Variants in MAST2 observed in about 807,000 individuals in gnomAD.
MAST2 encodes microtubule-associated serine/threonine-protein kinase 2.
A neutral mutation model predicts 147.4 loss-of-function variants in MAST2; 70 were observed. The ratio of observed to expected loss-of-function variants is 0.47; its 90% CI spans 0.39 to 0.58. The LOEUF (loss-of-function observed/expected upper bound fraction) is 0.58, where lower values mean the gene tolerates loss of function less well. Among genes scored for constraint, MAST2 ranks in the 20% least tolerant of loss-of-function variants. The pLI, the probability that MAST2 is intolerant of heterozygous loss-of-function variation, is 0.00. For synonymous variants in MAST2, 869 were observed against 896.8 expected (o/e 0.97, Z 0.55); for missense variants, 2,080 against 2,302.3 (o/e 0.90, Z 1.98).
At chr1:46,002,694 A>ACTCAC in intron 6 of MAST2, 111 bp from the exon 7 acceptor site, 7 of 840,744 alleles carry the variant, frequency 8.3e-6, no homozygotes, top group Non-Finnish European at 1.4e-5. Flanking sequence ...TGTCTTAAGG[A>ACTCAC]GGAGCCCTAC....
intron 4 of MAST2, among the ~76,000 whole-genome samples, chr1:45,948,804 A>G (rs1336275835): frequency 1.3e-5 from 2 of 151,948 alleles, no homozygotes; most frequent in Non-Finnish European, 2.9e-5. Context: ...GCTGACTTCA[A>G]ACTATACTAC....
intron 3 of MAST2, among the ~76,000 whole-genome samples, chr1:45,873,127 C>T (rs1303208012): frequency 6.6e-6 from 1 of 151,176 alleles, no homozygotes; most frequent in African/African-American, 2.4e-5. Context: ...AGCATCTTAT[C>T]ACTTAGCTTT....
rs1046976241 is a variant in MAST2, at chr1:45,870,223, T to G, written c.469-12141T>G. Among the ~76,000 whole-genome samples, 3 of 152,050 alleles carry G rather than the reference T, an allele frequency of 2.0e-5. No homozygotes were observed. In the South Asian group the frequency reaches 6.2e-4, roughly 31 times the overall value. On this transcript the variant is annotated intron_variant, in intron 3 of 28. Coordinates refer to ENST00000361297, the MANE Select transcript of MAST2 (RefSeq NM_015112.3). ...ACAGGCATGAGCTACTGCGCCCAGC[T>G]TTTGATTCTTTGTATACCTGTTTGA...
intron 3 of MAST2, among the ~76,000 whole-genome samples, chr1:45,881,084 T>C (rs1273496168): frequency 6.6e-6 from 1 of 152,196 alleles, no homozygotes; most frequent in East Asian, 1.9e-4. Flanking sequence ...ACAGTTGTTT[T>C]GGAGAGCAAT....
At chr1:46,017,019 T>C (rs9429175) in intron 10 of MAST2, among the ~76,000 whole-genome samples, 98,993 of 150,336 alleles carry the variant, frequency 0.66, 32,944 homozygotes, top group Non-Finnish European at 0.71. Flanking sequence ...GAAATAACGC[T>C]GCATATCTAC....
rs867407079 is a variant in MAST2 at position 46,022,051 on chromosome 1, C to G, written c.1392C>G (p.Ser464Arg). 15 of 1,614,194 alleles carry G rather than the reference C, an allele frequency of 9.3e-6. 1 individual carries two copies. The Middle Eastern group carries it at 2.5e-3, about 266-fold the overall frequency. The change falls in exon 12 of 29, where the codon AGC (serine) becomes AGG (arginine). Residue 464 changes from serine to arginine, a missense_variant. Coordinates refer to ENST00000361297, the MANE Select transcript of MAST2 (RefSeq NM_015112.3). ...IKCDIPRYIV[S>R]QLGLTRDPLE... ...GTGACATTCCCCGCTACATCGTTAGCCAGCTGGGCCTCACCCGGGATCCCC... is the reference window on the plus strand; with the variant it reads ...GTGACATTCCCCGCTACATCGTTAGGCAGCTGGGCCTCACCCGGGATCCCC...
intron 4 of MAST2, among the ~76,000 whole-genome samples, chr1:45,885,316 T>C (rs75839967): frequency 1.3e-5 from 2 of 152,234 alleles, no homozygotes; most frequent in East Asian, 3.8e-4. Flanking sequence ...ATATCCTTCA[T>C]GGACATAGAG....
intron 3 of MAST2, 72 bp from the exon 4 acceptor site, chr1:45,882,292 T>G: frequency 1.1e-6 from 1 of 944,236 alleles, no homozygotes; most frequent in Non-Finnish European, 1.7e-6. Context: ...GTGAATTTCC[T>G]AGGACATTTA....
At chr1:45,807,301 T>C (rs1189240415) in intron 1 of MAST2, among the ~76,000 whole-genome samples, 1 of 152,216 alleles carries the variant, frequency 6.6e-6, no homozygotes, top group Admixed American at 6.5e-5. Flanking sequence ...CTTGAGGACA[T>C]GTCCTCTGTC....
At chr1:46,003,087 C>T (rs1028691639) in intron 7 of MAST2, among the ~76,000 whole-genome samples, 23 of 152,150 alleles carry the variant, frequency 1.5e-4, no homozygotes, top group African/African-American at 5.3e-4. Flanking sequence ...GAAAGGATGA[C>T]CAGTGCCCTC....
At chr1:45,893,686 A>G (rs1648247492) in intron 4 of MAST2, among the ~76,000 whole-genome samples, 1 of 152,148 alleles carries the variant, frequency 6.6e-6, no homozygotes, top group Non-Finnish European at 1.5e-5. Flanking sequence ...CGTTATGGAT[A>G]ATGAGGACAT....
chr1:45,818,712 A>G (rs1047829859), intron 1 of MAST2, among the ~76,000 whole-genome samples: 4 of 152,086 alleles, frequency 2.6e-5, no homozygotes, highest in East Asian at 3.9e-4. Flanking sequence ...TCCTTTGCAA[A>G]ACTTTTTGAA....
At chr1:46,007,416 C>T (rs778923729) in intron 8 of MAST2, among the ~76,000 whole-genome samples, 5 of 152,086 alleles carry the variant, frequency 3.3e-5, no homozygotes, top group Non-Finnish European at 7.4e-5. Flanking sequence ...TTGGTGTTCT[C>T]AACAACCCAT....
chr1:45,828,478 ATG>A (rs1051833321), intron 2 of MAST2, among the ~76,000 whole-genome samples: 1 of 152,240 alleles, frequency 6.6e-6, no homozygotes, highest in Non-Finnish European at 1.5e-5. Context: ...ATATGCCAAA[ATG>A]TCTGGCATAA....
Position 45,840,714 on chromosome 1 carries a change from A to G in MAST2, c.468+11133A>G, listed in dbSNP as rs1447618511. On this transcript the variant is annotated intron_variant, in intron 3 of 28. Coordinates refer to ENST00000361297, the MANE Select transcript of MAST2 (RefSeq NM_015112.3). ...ATATAAACTACCTGCAACCTAACCT[A>G]AGAGTATACTCTTGTAACAAGTAGC... Among the ~76,000 whole-genome samples, 5 of 152,162 alleles carry G rather than the reference A, an allele frequency of 3.3e-5. No individual in the cohort carries two copies. The East Asian group carries it at 9.6e-4, about 29-fold the overall frequency.
chr1:45,930,391 T>TTTTTTGTTTTGTTTTG (rs1553235604), intron 4 of MAST2, among the ~76,000 whole-genome samples: 5 of 147,164 alleles, frequency 3.4e-5, no homozygotes, highest in Admixed American at 6.9e-5. Context: ...TTTTTTGTTT[T>TTTTTTGTTTTGTTTTG]TTTTGTTTTG....
intron 5 of MAST2, among the ~76,000 whole-genome samples, chr1:45,976,001 ATC>A (rs1209965651): frequency 6.7e-6 from 1 of 149,692 alleles, no homozygotes; most frequent in East Asian, 2.0e-4. Flanking sequence ...TTGAAACAGA[ATC>A]TCTCTCTGTT....
chr1:45,829,827 C>T (rs890764134), intron 3 of MAST2, among the ~76,000 whole-genome samples: 6 of 151,454 alleles, frequency 4.0e-5, no homozygotes, highest in Non-Finnish European at 5.9e-5. Context: ...GCAGGGACTA[C>T]AGGTACATGT....
intron 4 of MAST2, among the ~76,000 whole-genome samples, chr1:45,894,952 C>A (rs993689139): frequency 6.6e-6 from 1 of 152,126 alleles, no homozygotes; most frequent in Non-Finnish European, 1.5e-5. Context: ...AATTTGGGGT[C>A]CTTCATTTTA....
Sources: gnomAD v4.1 joint callset for allele counts (sites outside exome capture counted in the v4.1 genomes callset) on GRCh38, gnomAD v4.1.1 for gene constraint, MANE v1.5 for transcripts, NCBI Gene and HGNC (gene_info 2026-07-23, HGNC 2026-07-21) for gene names.